PFKFB4: variants seen among roughly 807,000 people sequenced by gnomAD.
PFKFB4 encodes 6-phosphofructo-2-kinase/fructose-2,6-biphosphatase 4.
In PFKFB4, 42 loss-of-function variants were observed where a neutral mutation model predicts 62.8. The observed-to-expected ratio is 0.67, with a 90% confidence interval of 0.52 to 0.86. The LOEUF is 0.86. Among genes scored for constraint, PFKFB4 ranks in the 40% least tolerant of loss-of-function variants. The pLI is 0.00. For missense variants in PFKFB4, 475 were observed against 627.2 expected (o/e 0.76, Z 2.59); for synonymous variants, 204 against 240.7 (o/e 0.85, Z 1.41).
intron 9 of PFKFB4, among the ~76,000 whole-genome samples, chr3:48,527,486 G>A (rs1427280615): frequency 1.3e-5 from 2 of 151,888 alleles, no homozygotes; most frequent in Non-Finnish European, 2.9e-5. Flanking sequence ...AGTGCTGCTG[G>A]CTGCTGTAAT....
At chr3:48,559,620 C>T (rs983969560), upstream of PFKFB4, 5 of 456,844 alleles carry the variant, frequency 1.1e-5, no homozygotes, top group South Asian at 4.6e-5. Flanking sequence ...TTTTCCTCCT[C>T]AGTATATCCG....
chr3:48,539,617 T>C, intron 5 of PFKFB4, 80 bp downstream of exon 5: 1 of 1,175,922 alleles, frequency 8.5e-7, no homozygotes, highest in South Asian at 1.2e-5. Context: ...CCCTCATGCA[T>C]AAGCAGGCGG....
At chr3:48,537,583 G>A (rs2042664366) in intron 7 of PFKFB4, among the ~76,000 whole-genome samples, 1 of 146,934 alleles carries the variant, frequency 6.8e-6, no homozygotes, top group African/African-American at 2.6e-5. Context: ...GAATGCAGTG[G>A]TGCAACTGCA....
Position 48,519,774 on chromosome 3 carries a change from G to A in PFKFB4, c.1383C>T (p.Ala461=), listed in dbSNP as rs779133777. The A allele has an allele frequency of 1.2e-6, 2 of 1,613,764 alleles. No homozygotes were observed. The highest frequency in any genetic ancestry group is 2.2e-5 in the East Asian group (1 of 44,888). ...ACTGGTGAGCAGGCACCGTGACAAG[G>A]GCTTCCTCTGGAGGTCTTGAGATGT... ...NVDISRPPEE[A]LVTVPAHQ is the part of the protein sequence containing the mutation. The change falls in exon 14 of 14, where the codon GCC becomes GCT. Residue 461 remains alanine (A), a synonymous_variant. Transcript: ENST00000232375.
At chr3:48,540,956 T>C (rs2042780558) in intron 4 of PFKFB4, among the ~76,000 whole-genome samples, 1 of 151,934 alleles carries the variant, frequency 6.6e-6, no homozygotes, top group Admixed American at 6.6e-5. Context: ...TTTGTATTTT[T>C]AGTAGAGACG....
intron 3 of PFKFB4, chr3:48,547,986 G>A (rs2107576050): frequency 6.6e-6 from 1 of 152,368 alleles, no homozygotes; most frequent in South Asian, 2.1e-4. Flanking sequence ...TTCGGATACA[G>A]CAGAGAGGGT....
At chr3:48,539,881 A>C in intron 4 of PFKFB4, 110 bp from the exon 5 acceptor site, 4 of 842,486 alleles carry the variant, frequency 4.7e-6, no homozygotes, top group Non-Finnish European at 7.9e-6. Context: ...TGGGGACTGG[A>C]TTTCTCATAA....
At chr3:48,527,184 T>A (rs1004960681) in intron 9 of PFKFB4, among the ~76,000 whole-genome samples, 1 of 151,926 alleles carries the variant, frequency 6.6e-6, no homozygotes, top group Admixed American at 6.6e-5. Flanking sequence ...TCCAGAACTG[T>A]GAGAGAATCA....
At chr3:48,552,331 C>T (rs2043181346) in intron 1 of PFKFB4, among the ~76,000 whole-genome samples, 1 of 152,248 alleles carries the variant, frequency 6.6e-6, no homozygotes, top group Admixed American at 6.5e-5. Context: ...TGGCCTGGCC[C>T]CAGGCAGGCC....
intron 4 of PFKFB4, 134 bp downstream of exon 4, chr3:48,543,446 C>T: frequency 1.3e-6 from 1 of 785,984 alleles, no homozygotes; most frequent in Non-Finnish European, 2.2e-6. Context: ...CAGACTTCCT[C>T]CCAAGGGCTG....
intron 8 of PFKFB4, 79 bp downstream of exon 8, chr3:48,536,177 G>A (rs958396053): frequency 9.2e-6 from 11 of 1,191,790 alleles, no homozygotes; most frequent in Admixed American, 3.7e-5. Context: ...TAGCCCCAGC[G>A]CACTCACACA....
At chr3:48,538,644 G>A in intron 6 of PFKFB4, 25 bp from the exon 7 acceptor site, 1 of 1,613,936 alleles carries the variant, frequency 6.2e-7, no homozygotes, top group Non-Finnish European at 8.5e-7. Flanking sequence ...CACAGAGAAA[G>A]GACATATCAG....
chr3:48,545,117 C>T (rs2042922133), intron 3 of PFKFB4, among the ~76,000 whole-genome samples: 1 of 151,640 alleles, frequency 6.6e-6, no homozygotes, highest in South Asian at 2.1e-4. Flanking sequence ...AAGGGTAAAG[C>T]TAGATCTCCT....
intron 2 of PFKFB4, 41 bp from the exon 3 acceptor site, chr3:48,550,001 C>A (rs368408378): frequency 6.7e-7 from 1 of 1,491,554 alleles, no homozygotes; most frequent in Non-Finnish European, 9.4e-7. Flanking sequence ...GCAACAGCAA[C>A]CCCTACCAAC....
chr3:48,556,951 G>A (rs561475167), upstream of PFKFB4: 3 of 1,396,510 alleles, frequency 2.1e-6, no homozygotes, highest in African/African-American at 1.5e-5. This position sits in a 1 kb window ranked among gnomAD's most constrained non-coding sequence, Gnocchi z 5.7. Flanking sequence ...GCTGAAAGGG[G>A]CCCGGCCTCC....
At chr3:48,532,953 T>TATGAA (rs1360692190) in intron 9 of PFKFB4, among the ~76,000 whole-genome samples, 1 of 152,224 alleles carries the variant, frequency 6.6e-6, no homozygotes, top group Non-Finnish European at 1.5e-5. Flanking sequence ...TGATTTCACT[T>TATGAA]ATATGAGGTA....
At chr3:48,546,872 A>G (rs2042980318) in intron 3 of PFKFB4, among the ~76,000 whole-genome samples, 1 of 152,206 alleles carries the variant, frequency 6.6e-6, no homozygotes, top group African/African-American at 2.4e-5. Context: ...CCTGGCAGAC[A>G]ACATTTTACA....
At chr3:48,538,448 C>T (rs1158702534) in intron 7 of PFKFB4, 50 bp downstream of exon 7, 1 of 1,603,052 alleles carries the variant, frequency 6.2e-7, no homozygotes, top group South Asian at 1.1e-5. Flanking sequence ...CAAGTATGAC[C>T]CCTGCCGCCC....
At chr3:48,532,802 G>A (rs1047443771) in intron 9 of PFKFB4, among the ~76,000 whole-genome samples, 2 of 152,198 alleles carry the variant, frequency 1.3e-5, no homozygotes, top group Admixed American at 6.5e-5. Flanking sequence ...TTTCCACATT[G>A]CACTGTAGCC....
Sources: gnomAD v4.1 joint callset for allele counts (sites outside exome capture counted in the v4.1 genomes callset) on GRCh38, gnomAD v4.1.1 for gene constraint, Gnocchi (gnomAD v3.1) non-coding constraint, MANE v1.5 for transcripts, NCBI Gene and HGNC (gene_info 2026-07-23, HGNC 2026-07-21) for gene names.